Variants in NRG1 observed in about 807,000 individuals in gnomAD.
NRG1 encodes neuregulin 1.
NRG1 carries 18 observed loss-of-function variants against 63.8 expected under a neutral mutation model. The ratio of observed to expected loss-of-function variants is 0.28; its 90% CI spans 0.19 to 0.42. The LOEUF is 0.42. NRG1 is among the 10% of genes least tolerant of loss of function. The pLI is 1.00. For synonymous variants in NRG1, 302 were observed against 301.3 expected (o/e 1.00, Z -0.02); for missense variants, 762 against 814.7 (o/e 0.94, Z 0.79).
At chr8:32,351,520 C>T (rs1805602426) in intron 1 of NRG1, among the ~76,000 whole-genome samples, 1 of 152,150 alleles carries the variant, frequency 6.6e-6, no homozygotes, top group Non-Finnish European at 1.5e-5. Flanking sequence ...GCCTCAATTT[C>T]CTTAAAAAGC....
intron 1 of NRG1, among the ~76,000 whole-genome samples, chr8:32,222,620 C>G (rs1317684206): frequency 6.6e-6 from 1 of 152,142 alleles, no homozygotes; most frequent in Non-Finnish European, 1.5e-5. Flanking sequence ...AGCTTTTTAT[C>G]TTTTCAAACC....
intron 1 of NRG1, among the ~76,000 whole-genome samples, chr8:31,904,425 T>C (rs1585640125): frequency 6.6e-6 from 1 of 152,294 alleles, no homozygotes; most frequent in African/African-American, 2.4e-5. Flanking sequence ...TAAAAGAGCA[T>C]ACAAATTCAC....
intron 1 of NRG1, among the ~76,000 whole-genome samples, chr8:32,153,011 T>A (rs933808699): frequency 6.6e-6 from 1 of 152,186 alleles, no homozygotes; most frequent in Admixed American, 6.5e-5. Flanking sequence ...TTATGCCTAG[T>A]GCTTAATAGG....
At chr8:31,962,809 A>G (rs967928946) in intron 1 of NRG1, among the ~76,000 whole-genome samples, 2 of 152,070 alleles carry the variant, frequency 1.3e-5, no homozygotes, top group Non-Finnish European at 2.9e-5. Context: ...ATTTTTTTAG[A>G]TCTATTTTCT....
intron 1 of NRG1, among the ~76,000 whole-genome samples, chr8:32,040,711 CATATATATAT>C (rs67857068): frequency 0.22 from 18,359 of 85,082 alleles, 2,491 homozygotes; most frequent in East Asian, 0.68. Context: ...GAAATTTAGG[CATATATATAT>C]ATATATATAT....
At chr8:32,188,377 T>C (rs1227921433) in intron 1 of NRG1, among the ~76,000 whole-genome samples, 1 of 152,186 alleles carries the variant, frequency 6.6e-6, no homozygotes, top group Non-Finnish European at 1.5e-5. Flanking sequence ...GGATTATAGA[T>C]TTTGACACTC....
chr8:32,261,676 CT>C (rs1286503631), intron 1 of NRG1, among the ~76,000 whole-genome samples: 2 of 152,104 alleles, frequency 1.3e-5, no homozygotes, highest in Non-Finnish European at 2.9e-5. Flanking sequence ...AACACCTCCA[CT>C]CCCCCCTTGT....
intron 5 of NRG1, among the ~76,000 whole-genome samples, chr8:32,723,049 T>C (rs1313896668): frequency 6.6e-6 from 1 of 152,236 alleles, no homozygotes; most frequent in Non-Finnish European, 1.5e-5. Flanking sequence ...TTTTTACTTT[T>C]GTTTGCTCAA....
At chr8:31,939,074 A>T (rs1027035262) in intron 1 of NRG1, among the ~76,000 whole-genome samples, 7 of 152,120 alleles carry the variant, frequency 4.6e-5, no homozygotes, top group African/African-American at 9.7e-5. Context: ...CACCTGGGAA[A>T]CTCATCGCAA....
At chr8:32,760,873 A>G (rs1830571192) in intron 11 of NRG1, 2 of 999,984 alleles carry the variant, frequency 2.0e-6, no homozygotes, top group African/African-American at 3.5e-5. Context: ...AGTTAAGTCA[A>G]ATCAAGGGCT....
chr8:32,412,561 C>A (rs1362960280), intron 1 of NRG1, among the ~76,000 whole-genome samples: 1 of 149,676 alleles, frequency 6.7e-6, no homozygotes, highest in Admixed American at 6.7e-5. Context: ...GGATATATTC[C>A]AAAAATGTGT....
chr8:31,708,653 G>T (rs1006834322), intron 1 of NRG1, among the ~76,000 whole-genome samples: 6 of 151,714 alleles, frequency 4.0e-5, no homozygotes, highest in Non-Finnish European at 7.4e-5. Flanking sequence ...CACCGTTTTA[G>T]CCGGGATGGT....
intron 5 of NRG1, among the ~76,000 whole-genome samples, chr8:32,646,061 A>G (rs1245888335): frequency 6.6e-6 from 1 of 152,240 alleles, no homozygotes; most frequent in East Asian, 1.9e-4. Flanking sequence ...GTGTGGAGTC[A>G]CCATGAAAGG....
intron 1 of NRG1, among the ~76,000 whole-genome samples, chr8:31,943,664 G>T (rs188561258): frequency 4.6e-5 from 7 of 152,118 alleles, no homozygotes; most frequent in African/African-American, 1.4e-4. Flanking sequence ...AGGTATACAG[G>T]TTACCTTGTT....
chr8:32,566,759 TA>T (rs1837526258), intron 1 of NRG1, among the ~76,000 whole-genome samples: 1 of 152,232 alleles, frequency 6.6e-6, no homozygotes, highest in Non-Finnish European at 1.5e-5. Context: ...ATTAAGGAGC[TA>T]AAAATGTTAG....
chr8:32,051,133 T>G (rs1008102769), intron 1 of NRG1, among the ~76,000 whole-genome samples: 2 of 152,134 alleles, frequency 1.3e-5, no homozygotes, highest in Non-Finnish European at 1.5e-5. Flanking sequence ...GCTCTTGTGT[T>G]TCACCCAAAT....
At chr8:32,471,512 T>C (rs906840698) in intron 1 of NRG1, among the ~76,000 whole-genome samples, 10 of 152,186 alleles carry the variant, frequency 6.6e-5, no homozygotes, top group African/African-American at 2.2e-4. Flanking sequence ...CTTTTTAAAA[T>C]ATTTTATTTA....
At chr8:31,803,461 C>T (rs1288661567) in intron 1 of NRG1, among the ~76,000 whole-genome samples, 3 of 152,190 alleles carry the variant, frequency 2.0e-5, no homozygotes, top group Non-Finnish European at 2.9e-5. Flanking sequence ...TAAGCTTAGA[C>T]ATCACCTTGG....
chr8:32,235,516 TA>T (rs1161723943), intron 1 of NRG1, among the ~76,000 whole-genome samples: 3 of 152,098 alleles, frequency 2.0e-5, no homozygotes, highest in Admixed American at 6.6e-5. Flanking sequence ...CATCTTCTTA[TA>T]AAAAAATACA....
Sources: allele counts gnomAD v4.1 joint callset (sites outside exome capture counted in the v4.1 genomes callset), GRCh38; gene constraint gnomAD v4.1.1; transcripts MANE v1.5; gene names NCBI Gene and HGNC (gene_info 2026-07-23, HGNC 2026-07-21).